The following LONRF1 variants were observed in gnomAD, a reference collection of about 807,000 sequenced individuals.
LONRF1 encodes LON peptidase N-terminal domain and ring finger 1.
In LONRF1, 37 loss-of-function variants were observed where a neutral mutation model predicts 85.8. The observed-to-expected ratio is 0.43, with a 90% confidence interval of 0.33 to 0.57. The LOEUF (loss-of-function observed/expected upper bound fraction) is 0.57, where lower values mean the gene tolerates loss of function less well. Among genes scored for constraint, LONRF1 ranks in the 20% least tolerant of loss-of-function variants. The probability of loss-of-function intolerance (pLI) is 0.04; values close to 1 mark genes in which losing one functional copy is unlikely to be tolerated. For missense variants in LONRF1, 1,036 were observed against 978.0 expected (o/e 1.06, Z -0.79); for synonymous variants, 517 against 390.1 (o/e 1.33, Z -3.83).
At chr8:12,740,539 TA>T (rs1798890987) in intron 3 of LONRF1, among the ~76,000 whole-genome samples, 1 of 152,098 alleles carries the variant, frequency 6.6e-6, no homozygotes, top group Non-Finnish European at 1.5e-5. Flanking sequence ...AGACCTGAAG[TA>T]AAAGGCAAAA....
At chr8:12,736,107 G>A (rs1178783880) in intron 6 of LONRF1, among the ~76,000 whole-genome samples, 4 of 152,080 alleles carry the variant, frequency 2.6e-5, no homozygotes, top group African/African-American at 9.7e-5. Flanking sequence ...GACTTGCTCA[G>A]GAATGTAACT....
At chr8:12,744,865 C>T (rs1799082948) in intron 1 of LONRF1, among the ~76,000 whole-genome samples, 1 of 79,890 alleles carries the variant, frequency 1.3e-5, no homozygotes, top group Non-Finnish European at 2.8e-5. Flanking sequence ...GCAGCCCATT[C>T]TTGGATTTTT....
chr8:12,741,247 G>A (rs557762209), intron 2 of LONRF1, among the ~76,000 whole-genome samples: 7 of 152,200 alleles, frequency 4.6e-5, no homozygotes, highest in African/African-American at 1.7e-4. Context: ...AGCCAGGCAC[G>A]GGGGCATGCA....
chr8:12,737,130 A>G lies in LONRF1; in HGVS notation c.1124T>C (p.Ile375Thr), dbSNP rs1390009099. Residue 375 changes from isoleucine (I) to threonine (T), a missense_variant, in exon 5 of 12, where the codon ATA becomes ACA. This residue lies in a region of LONRF1 where 742 missense variants were observed against 614.4 expected (regional missense o/e 1.21). Transcript: ENST00000398246. ...NEPSPKQSEE[I>T]PEVTSEPVKG... ...GACAGGCTCTGAAGTGACCTCTGGT[A>G]TTTCTTCACTCTACAAAAATACAAT... 2 of 1,611,244 alleles carry G rather than the reference A, an allele frequency of 1.2e-6. No homozygotes were observed. The highest frequency in any genetic ancestry group is 2.2e-5 in the South Asian group (2 of 90,706).
At chr8:12,732,715 T>C (rs557922647) in intron 7 of LONRF1, among the ~76,000 whole-genome samples, 1 of 152,326 alleles carries the variant, frequency 6.6e-6, no homozygotes, top group East Asian at 1.9e-4. Flanking sequence ...TACCACATAG[T>C]AGGCATTGTA....
At chr8:12,739,051 T>C (rs1394318487) in intron 3 of LONRF1, among the ~76,000 whole-genome samples, 1 of 152,088 alleles carries the variant, frequency 6.6e-6, no homozygotes, top group Non-Finnish European at 1.5e-5. Flanking sequence ...AATCTGTATA[T>C]ACACATTTAC....
Position 12,737,021 on chromosome 8 carries a change from C to G in LONRF1, c.1233G>C (p.Val411=). 2 of 1,613,610 alleles carry G rather than the reference C, an allele frequency of 1.2e-6. No individual in the cohort carries two copies. Among genetic ancestry groups the G allele is most frequent in the Non-Finnish European group, 1.7e-6 (2 of 1,179,710 alleles). ...MPAREDCLKR[V]SSEPVLSVQE... ...GAACTGACAGAACAGGTTCTGAGGACACTCTTTTTAAACAGTCCTCTCTGG... is the reference window on the plus strand; with the variant it reads ...GAACTGACAGAACAGGTTCTGAGGAGACTCTTTTTAAACAGTCCTCTCTGG... Residue 411 remains valine, a synonymous_variant, in exon 5 of 12, where the codon GTG becomes GTC. Transcript: ENST00000398246.
At chr8:12,754,669 G>T in intron 1 of LONRF1, 31 bp downstream of exon 1, 4 of 1,318,198 alleles carry the variant, frequency 3.0e-6, no homozygotes, top group Non-Finnish European at 3.8e-6. Flanking sequence ...GGTGCGGTCG[G>T]CCCGGCCCCG....
rs762237657 is a variant in LONRF1, at chr8:12,755,052, G to A, written c.369C>T (p.Cys123=). The change falls in exon 1 of 12, where the codon TGC becomes TGT. Residue 123 remains cysteine, a synonymous_variant. Transcript: ENST00000398246. ...CGCTCAGGAAGCCCCGGCAGCCCAG[G>A]CATCTGAGGAGCCCGCCGGCGCCGC... The part of the protein sequence containing the change: ...ADGGAGGLLR[C]LGCRGFLSEP... 27 of 1,478,806 alleles carry A rather than the reference G, an allele frequency of 1.8e-5. No individual in the cohort carries two copies. In the Admixed American group the frequency reaches 2.7e-4, roughly 15 times the overall value. 91.6% of individuals were successfully genotyped at this position (1,478,806 alleles called of 1,614,324 possible).
intron 1 of LONRF1, among the ~76,000 whole-genome samples, chr8:12,746,971 T>C (rs1467862845): frequency 6.6e-6 from 1 of 152,224 alleles, no homozygotes; most frequent in African/African-American, 2.4e-5. Flanking sequence ...ATTCTGTGCC[T>C]TCATCGTATA....
In LONRF1 at chr8:12,731,741, G is replaced by T; in HGVS notation, c.1683C>A (p.Leu561=). 1 of 1,610,466 alleles carries T rather than the reference G, an allele frequency of 6.2e-7. No individual in the cohort carries two copies. The highest frequency in any genetic ancestry group is 8.5e-7 in the Non-Finnish European group (1 of 1,178,434). ...KKIYDEETAE[L]SHLTKNVPIF... is the part of the protein sequence containing the mutation. The stretch of plus-strand genomic sequence containing the variant: ...TTTTATGAGAAGAAACTTACTGTGA[G>T]AGTTCAGCAGTTTCTTCATCATATA... The change falls in exon 8 of 12, where the codon CTC becomes CTA. Residue 561 remains leucine (L), a synonymous_variant. Coordinates refer to ENST00000398246, the MANE Select transcript of LONRF1 (RefSeq NM_152271.5).
chr8:12,746,832 T>C (rs1799176729), intron 1 of LONRF1, among the ~76,000 whole-genome samples: 1 of 152,170 alleles, frequency 6.6e-6, no homozygotes, highest in Admixed American at 6.5e-5. Context: ...TCTAGCTGTT[T>C]ACCTCCATGC....
chr8:12,754,667 C>A, intron 1 of LONRF1, 33 bp downstream of exon 1: 1 of 1,300,410 alleles, frequency 7.7e-7, no homozygotes, highest in South Asian at 2.4e-5. Flanking sequence ...AGGGTGCGGT[C>A]GGCCCGGCCC....
intron 8 of LONRF1, among the ~76,000 whole-genome samples, chr8:12,730,368 G>C (rs1213929115): frequency 6.6e-6 from 1 of 152,092 alleles, no homozygotes; most frequent in Admixed American, 6.5e-5. Flanking sequence ...GATTCCCTTT[G>C]AGTTGCAGAT....
intron 2 of LONRF1, among the ~76,000 whole-genome samples, chr8:12,742,932 C>T (rs988438330): frequency 3.9e-5 from 6 of 152,046 alleles, no homozygotes; most frequent in Non-Finnish European, 8.8e-5. Flanking sequence ...CAACATGTTG[C>T]CCAAGCTGGT....
chr8:12,734,328 G>A (rs1239230424), intron 7 of LONRF1, among the ~76,000 whole-genome samples: 9 of 152,070 alleles, frequency 5.9e-5, no homozygotes, highest in East Asian at 1.9e-4. Context: ...TATGACATCC[G>A]TACTGAGTTG....
At chr8:12,743,702 G>T (rs1229484109) in intron 1 of LONRF1, among the ~76,000 whole-genome samples, 1 of 152,008 alleles carries the variant, frequency 6.6e-6, no homozygotes, top group Non-Finnish European at 1.5e-5. Context: ...AGCCATACGT[G>T]TAACTATTAC....
chr8:12,723,205 G>C lies in LONRF1; in HGVS notation c.2213C>G (p.Pro738Arg). 6.2e-7 allele frequency: 1 copy of C among 1,614,106 alleles called. No individual in the cohort carries two copies. The highest frequency in any genetic ancestry group is 8.5e-7 in the Non-Finnish European group (1 of 1,179,980). ...AWCWWLLAVL[P>R]VDPRYQLSVL... ...CGACAGCTGGTATCGTGGGTCTACA[G>C]GGAGAACTGCAAGAAGCCACCAACA... The change falls in exon 12 of 12, where the codon CCT becomes CGT. Residue 738 changes from proline to arginine, a missense_variant. This residue lies in a region of LONRF1 where 265 missense variants were observed against 301.5 expected (regional missense o/e 0.88). Coordinates refer to ENST00000398246, the MANE Select transcript of LONRF1 (RefSeq NM_152271.5).
intron 1 of LONRF1, among the ~76,000 whole-genome samples, chr8:12,744,402 TAA>T (rs745413247): frequency 6.6e-6 from 1 of 152,058 alleles, no homozygotes; most frequent in Non-Finnish European, 1.5e-5. Context: ...TTTTACTTGT[TAA>T]AAAAAGACAT....
Sources: allele counts gnomAD v4.1 joint callset (sites outside exome capture counted in the v4.1 genomes callset), GRCh38; gene constraint gnomAD v4.1.1; regional missense constraint gnomAD v4.1.1; transcripts MANE v1.5; gene names NCBI Gene and HGNC (gene_info 2026-07-23, HGNC 2026-07-21).